EPHA6: variants seen among roughly 807,000 people sequenced by gnomAD.
The protein encoded by EPHA6 is EPH receptor A6.
Under a neutral mutation model 112.0 loss-of-function variants are expected in EPHA6, and 50 were observed. The observed-to-expected ratio is 0.45, with a 90% confidence interval of 0.36 to 0.56. EPHA6 has a LOEUF of 0.56. Ranked by LOEUF, EPHA6 falls within the 20% of genes least tolerant of loss-of-function variation. EPHA6 has a pLI of 0.00. For synonymous variants in EPHA6, 529 were observed against 490.7 expected (o/e 1.08, Z -1.03); for missense variants, 1,280 against 1,417.4 (o/e 0.90, Z 1.56).
At chr3:97,550,712 G>A (rs2093018094) in intron 11 of EPHA6, among the ~76,000 whole-genome samples, 2 of 152,152 alleles carry the variant, frequency 1.3e-5, no homozygotes, top group Non-Finnish European at 2.9e-5. Context: ...AATAGAGGGG[G>A]AAATCCTGTG....
At chr3:97,265,592 G>A (rs1338044180) in intron 5 of EPHA6, among the ~76,000 whole-genome samples, 1 of 152,188 alleles carries the variant, frequency 6.6e-6, no homozygotes, top group Non-Finnish European at 1.5e-5. Context: ...GAGCCTGCAG[G>A]GGCAGGGGGG....
chr3:96,936,920 C>T (rs1455777242), intron 2 of EPHA6, among the ~76,000 whole-genome samples: 1 of 152,144 alleles, frequency 6.6e-6, no homozygotes, highest in African/African-American at 2.4e-5. Flanking sequence ...TCATCCATGT[C>T]CCTACAAAGG....
At chr3:97,678,648 A>G (rs2031604207) in intron 14 of EPHA6, among the ~76,000 whole-genome samples, 1 of 152,178 alleles carries the variant, frequency 6.6e-6, no homozygotes, top group Admixed American at 6.5e-5. Context: ...TAGAATCTAA[A>G]TCTAGAGAGG....
intron 6 of EPHA6, among the ~76,000 whole-genome samples, chr3:97,420,753 T>C (rs1326578310): frequency 6.6e-6 from 1 of 151,326 alleles, no homozygotes; most frequent in Non-Finnish European, 1.5e-5. Context: ...AAATAATAAC[T>C]ACAGGTAAAT....
chr3:97,604,739 T>C (rs1351234686), intron 12 of EPHA6, among the ~76,000 whole-genome samples: 8 of 151,800 alleles, frequency 5.3e-5, no homozygotes, highest in Non-Finnish European at 1.0e-4. Flanking sequence ...ATGCAACTAC[T>C]AGTTAGAGGA....
chr3:97,123,991 G>T (rs1220979403), intron 3 of EPHA6, among the ~76,000 whole-genome samples: 1 of 151,952 alleles, frequency 6.6e-6, no homozygotes. Flanking sequence ...AAATCCATGA[G>T]AACCAGCAAT....
At chr3:97,034,574 T>A (rs1193447248) in intron 3 of EPHA6, among the ~76,000 whole-genome samples, 1 of 151,918 alleles carries the variant, frequency 6.6e-6, no homozygotes, top group South Asian at 2.1e-4. Context: ...CAGCTATAAA[T>A]TATTTTTTAA....
At chr3:97,735,141 T>A (rs1471645898) in intron 15 of EPHA6, among the ~76,000 whole-genome samples, 3 of 152,030 alleles carry the variant, frequency 2.0e-5, no homozygotes, top group African/African-American at 4.8e-5. Flanking sequence ...AGTTGAAAAT[T>A]CAGTTTCTTC....
chr3:97,744,654 A>C (rs1461065642), intron 16 of EPHA6, among the ~76,000 whole-genome samples: 3 of 151,964 alleles, frequency 2.0e-5, no homozygotes, highest in African/African-American at 2.4e-5. Context: ...CAAGGGAAAT[A>C]GGCTATTTAA....
At chr3:96,829,975 A>G (rs1029535026) in intron 1 of EPHA6, among the ~76,000 whole-genome samples, 6 of 151,624 alleles carry the variant, frequency 4.0e-5, no homozygotes, top group Admixed American at 2.6e-4. Context: ...ACACACACAC[A>G]CACACACACA....
At chr3:97,374,097 T>C (rs1156864483) in intron 5 of EPHA6, among the ~76,000 whole-genome samples, 1 of 152,142 alleles carries the variant, frequency 6.6e-6, no homozygotes, top group Non-Finnish European at 1.5e-5. Flanking sequence ...GTACTTCCTA[T>C]ATTAGAATAT....
intron 6 of EPHA6, 52 bp from the exon 7 acceptor site, chr3:97,448,516 A>G (rs1187491378): frequency 1.3e-6 from 2 of 1,575,480 alleles, no homozygotes; most frequent in African/African-American, 1.4e-5. Context: ...TTTCTAGGAA[A>G]AGGTAGAATA....
chr3:97,628,405 C>T (rs141073319), intron 13 of EPHA6, among the ~76,000 whole-genome samples: 10 of 152,006 alleles, frequency 6.6e-5, no homozygotes, highest in African/African-American at 2.4e-4. Context: ...ACATAAAACT[C>T]CTAGAACAGT....
At chr3:97,463,037 A>G (rs375112265) in intron 7 of EPHA6, among the ~76,000 whole-genome samples, 9 of 152,244 alleles carry the variant, frequency 5.9e-5, no homozygotes, top group East Asian at 1.9e-4. Context: ...AATGTCACTC[A>G]ATAGAGATGA....
chr3:97,172,562 A>G (rs1413804257), intron 3 of EPHA6, among the ~76,000 whole-genome samples: 1 of 151,984 alleles, frequency 6.6e-6, no homozygotes, highest in African/African-American at 2.4e-5. Flanking sequence ...AGCAAATGAA[A>G]ACTAGTCATA....
chr3:97,012,081 C>T (rs1475259662), intron 3 of EPHA6, among the ~76,000 whole-genome samples: 1 of 152,004 alleles, frequency 6.6e-6, no homozygotes, highest in Non-Finnish European at 1.5e-5. Context: ...TAGGTTGATT[C>T]AATGTGTTTG....
At chr3:97,706,989 G>GGAAT (rs2033714080) in intron 14 of EPHA6, among the ~76,000 whole-genome samples, 2 of 151,976 alleles carry the variant, frequency 1.3e-5, no homozygotes, top group South Asian at 2.1e-4. Flanking sequence ...CAAGACTAAG[G>GGAAT]GAATGAATGA....
chr3:97,668,489 G>A (rs1240300120), intron 14 of EPHA6, among the ~76,000 whole-genome samples: 2 of 152,054 alleles, frequency 1.3e-5, no homozygotes, highest in African/African-American at 4.8e-5. Flanking sequence ...CTAACCATAG[G>A]CTTTTCTGGA....
intron 5 of EPHA6, among the ~76,000 whole-genome samples, chr3:97,374,532 T>C: frequency 6.6e-6 from 1 of 152,126 alleles, no homozygotes. Flanking sequence ...TGTAGGTTTG[T>C]TATAAGGGTA....
Sources: gnomAD v4.1 joint callset for allele counts (sites outside exome capture counted in the v4.1 genomes callset) on GRCh38, gnomAD v4.1.1 for gene constraint, MANE v1.5 for transcripts, NCBI Gene and HGNC (gene_info 2026-07-23, HGNC 2026-07-21) for gene names.